The following MYO5B variants were observed in gnomAD, a reference collection of about 807,000 sequenced individuals.
MYO5B encodes unconventional myosin-Vb.
MYO5B carries 143 observed loss-of-function variants against 229.3 expected under a neutral mutation model. The ratio of observed to expected loss-of-function variants is 0.62; its 90% CI spans 0.54 to 0.72. The LOEUF (loss-of-function observed/expected upper bound fraction) is 0.72. Among genes scored for constraint, MYO5B ranks in the 30% least tolerant of loss-of-function variants. The pLI is 0.00. For synonymous variants in MYO5B, 918 were observed against 885.2 expected (o/e 1.04, Z -0.66); for missense variants, 2,321 against 2,331.0 (o/e 1.00, Z 0.09).
At chr18:49,929,737 T>C (rs1598889671) in intron 16 of MYO5B, 139 bp from the exon 17 acceptor site, 1 of 769,656 alleles carries the variant, frequency 1.3e-6, no homozygotes, top group East Asian at 2.7e-5. Flanking sequence ...GAGTTACCCT[T>C]GAGCTCAAGT....
chr18:50,056,586 G>A (rs774658754), intron 1 of MYO5B, among the ~76,000 whole-genome samples: 2 of 152,144 alleles, frequency 1.3e-5, no homozygotes, highest in Admixed American at 6.6e-5. Context: ...TTGACCAAAA[G>A]CTCAACCAGA....
Position 49,826,629 on chromosome 18 carries a change from G to A in MYO5B, c.5395-6C>T, listed in dbSNP as rs140275825. Reference sequence around the variant, plus strand: ...TTCCGCTCTTGTAGTTGTGCCTATGGGGAAGAATAAGACCATGTAAAGTTT... The same window carrying A: ...TTCCGCTCTTGTAGTTGTGCCTATGAGGAAGAATAAGACCATGTAAAGTTT... On this transcript the variant is annotated splice_region_variant and splice_polypyrimidine_tract_variant and intron_variant, in intron 39 of 39. Coordinates refer to ENST00000285039, the MANE Select transcript of MYO5B (RefSeq NM_001080467.3). 4.2e-3 allele frequency: 6,828 copies of A among 1,612,710 alleles called. 21 individuals carry two copies. Among genetic ancestry groups the A allele is most frequent in the Middle Eastern group, 7.6e-3 (39 of 5,120 alleles).
At chr18:49,894,236 A>C (rs889127819) in intron 22 of MYO5B, among the ~76,000 whole-genome samples, 12 of 149,174 alleles carry the variant, frequency 8.0e-5, no homozygotes, top group Non-Finnish European at 1.8e-4. Context: ...ACACTGAAAA[A>C]GCGGGCAACA....
intron 4 of MYO5B, among the ~76,000 whole-genome samples, chr18:50,014,294 A>AAAC (rs1568071196): frequency 5.0e-4 from 71 of 141,656 alleles, no homozygotes; most frequent in East Asian, 1.9e-3. Context: ...AAAAAAAAAA[A>AAAC]AACTACGGGT....
At chr18:50,051,416 G>C (rs1040326581) in intron 2 of MYO5B, among the ~76,000 whole-genome samples, 5 of 152,116 alleles carry the variant, frequency 3.3e-5, no homozygotes, top group African/African-American at 1.2e-4. Flanking sequence ...AAACTCAGTT[G>C]GAAAATGAAA....
At chr18:50,124,227 GT>G (rs2032118441) in intron 1 of MYO5B, among the ~76,000 whole-genome samples, 1 of 152,218 alleles carries the variant, frequency 6.6e-6, no homozygotes, top group Non-Finnish European at 1.5e-5. Context: ...AGAGGTTCTG[GT>G]AACTGAACAT....
In MYO5B at chr18:49,843,230, G is replaced by A; in HGVS notation, c.4611+11C>T. The stretch of plus-strand genomic sequence containing the variant: ...CACCACAAACCATGACCTTCTGCAG[G>A]GGCTGCTTACTTTCAGGACTTTCTT... On this transcript the variant is annotated intron_variant, in intron 34 of 39. Coordinates refer to ENST00000285039, the MANE Select transcript of MYO5B (RefSeq NM_001080467.3). The A allele has an allele frequency of 6.2e-7, 1 of 1,613,554 alleles. No homozygotes were observed. The highest frequency in any genetic ancestry group is 1.7e-5 in the Admixed American group (1 of 60,020).
intron 4 of MYO5B, among the ~76,000 whole-genome samples, chr18:50,020,337 C>G (rs184350463): frequency 4.6e-5 from 7 of 152,342 alleles, no homozygotes; most frequent in African/African-American, 1.7e-4. Flanking sequence ...AGGCCTGGAA[C>G]AGTCCCTCAA....
intron 1 of MYO5B, among the ~76,000 whole-genome samples, chr18:50,182,034 G>C (rs1458832620): frequency 6.6e-6 from 1 of 152,154 alleles, no homozygotes; most frequent in African/African-American, 2.4e-5. Flanking sequence ...AAGAACTCAA[G>C]GTCAAAAGCC....
chr18:50,005,845 T>C (rs9304393), intron 4 of MYO5B, among the ~76,000 whole-genome samples: 40,885 of 152,130 alleles, frequency 0.27, 5,764 homozygotes, highest in African/African-American at 0.3. Flanking sequence ...ATATATATGC[T>C]TCTATGCAGT....
chr18:49,894,807 G>A (rs908688052), intron 22 of MYO5B, 134 bp downstream of exon 22: 2 of 772,862 alleles, frequency 2.6e-6, no homozygotes, highest in Non-Finnish European at 4.4e-6. Context: ...AGACACAGAT[G>A]AATGGTCAGT....
chr18:49,857,457 G>A (rs2024276123), intron 29 of MYO5B, among the ~76,000 whole-genome samples: 1 of 152,182 alleles, frequency 6.6e-6, no homozygotes, highest in African/African-American at 2.4e-5. Flanking sequence ...GAAGGAGACT[G>A]CAGACACTAC....
At chr18:50,065,624 G>T (rs989141295) in intron 1 of MYO5B, among the ~76,000 whole-genome samples, 14 of 152,156 alleles carry the variant, frequency 9.2e-5, no homozygotes, top group Admixed American at 5.9e-4. Flanking sequence ...GACATATGGG[G>T]ATTACAGTTC....
chr18:50,007,648 T>G (rs2026117372), intron 4 of MYO5B, among the ~76,000 whole-genome samples: 1 of 152,210 alleles, frequency 6.6e-6, no homozygotes, highest in Non-Finnish European at 1.5e-5. Flanking sequence ...GGTTCTTGCT[T>G]TATTCTCTCC....
At chr18:50,001,065 T>C (rs947298831) in intron 5 of MYO5B, among the ~76,000 whole-genome samples, 190 bp downstream of exon 5, 2 of 152,158 alleles carry the variant, frequency 1.3e-5, no homozygotes, top group Non-Finnish European at 2.9e-5. Context: ...TACCCAGTAC[T>C]GGGAACCTAA....
intron 1 of MYO5B, among the ~76,000 whole-genome samples, chr18:50,134,524 C>T (rs1248934690): frequency 6.6e-6 from 1 of 151,468 alleles, no homozygotes; most frequent in Non-Finnish European, 1.5e-5. Context: ...CATTGCACTC[C>T]AGCCTGGGCG....
chr18:50,088,962 AG>A (rs1425221650), intron 1 of MYO5B, among the ~76,000 whole-genome samples: 2 of 151,674 alleles, frequency 1.3e-5, no homozygotes, highest in Non-Finnish European at 2.9e-5. Flanking sequence ...ATATCATCTA[AG>A]GGGAGAAAAG....
chr18:50,163,786 C>T (rs986784114), intron 1 of MYO5B, among the ~76,000 whole-genome samples: 2 of 152,224 alleles, frequency 1.3e-5, no homozygotes, highest in Non-Finnish European at 2.9e-5. Context: ...TGGCCCCTCC[C>T]ATGCCTGCCT....
At chr18:50,015,457 T>A (rs1170516080) in intron 4 of MYO5B, among the ~76,000 whole-genome samples, 1 of 152,242 alleles carries the variant, frequency 6.6e-6, no homozygotes, top group African/African-American at 2.4e-5. Context: ...TTTCTTGAAA[T>A]CTGACTATTT....
Sources: allele counts gnomAD v4.1 joint callset (sites outside exome capture counted in the v4.1 genomes callset), GRCh38; gene constraint gnomAD v4.1.1; transcripts MANE v1.5; gene names NCBI Gene and HGNC (gene_info 2026-07-23, HGNC 2026-07-21).